ARMC9: variants seen among roughly 807,000 people sequenced by gnomAD.
The protein encoded by ARMC9 is armadillo repeat containing 9.
ARMC9 carries 94 observed loss-of-function variants against 107.0 expected under a neutral mutation model. That is an observed-to-expected ratio of 0.88 (90% CI 0.74 to 1.04). ARMC9 has a LOEUF of 1.04. Ranked by LOEUF, ARMC9 falls within the 50% of genes least tolerant of loss-of-function variation. ARMC9 has a pLI of 0.00. For missense variants in ARMC9, 942 were observed against 1,030.1 expected (o/e 0.91, Z 1.17); for synonymous variants, 380 against 396.9 (o/e 0.96, Z 0.51).
chr2:231,269,268 G>A (rs1257324764), intron 12 of ARMC9, among the ~76,000 whole-genome samples: 2 of 151,872 alleles, frequency 1.3e-5, no homozygotes, highest in Admixed American at 1.3e-4. Flanking sequence ...TTATTTTGTT[G>A]ATGGTTTCTT....
In ARMC9 at chr2:231,376,797, C is replaced by T. The variant is rs906701956; in HGVS notation, c.*5262C>T. ...GGTTTTTGTGGCTTGTGGGGCATCA[C>T]GGATCCTACCAACGTGTGATGTCTC... On this transcript the variant is annotated 3_prime_UTR_variant, in exon 25 of 25. Coordinates refer to ENST00000611582, the MANE Select transcript of ARMC9 (RefSeq NM_001352754.2). Among the ~76,000 whole-genome samples, 3 of 152,106 alleles carry T rather than the reference C, an allele frequency of 2.0e-5. No homozygotes were observed. The highest frequency in any genetic ancestry group is 2.9e-5 in the Non-Finnish European group (2 of 68,024).
chr2:231,216,631 C>T lies in ARMC9; in HGVS notation c.349-7C>T. On this transcript the variant is annotated splice_polypyrimidine_tract_variant and splice_region_variant and intron_variant, in intron 4 of 24. Transcript: ENST00000611582. ...AGACCTCAAACAAGTGTTTTCCCTT[C>T]TTCTAGGACAAAGAGGAGCTGGATG... 6.2e-7 allele frequency: 1 copy of T among 1,612,448 alleles called. No individual in the cohort carries two copies. The highest frequency in any genetic ancestry group is 1.1e-5 in the South Asian group (1 of 90,806).
intron 12 of ARMC9, among the ~76,000 whole-genome samples, 198 bp downstream of exon 12, chr2:231,262,596 T>C (rs1317867892): frequency 2.0e-5 from 3 of 152,206 alleles, no homozygotes; most frequent in African/African-American, 7.2e-5. Context: ...AACTGCCTGA[T>C]TCATCATCTC....
At chr2:231,290,160 T>C (rs1449542688) in intron 17 of ARMC9, among the ~76,000 whole-genome samples, 1 of 152,272 alleles carries the variant, frequency 6.6e-6, no homozygotes, top group East Asian at 1.9e-4. Flanking sequence ...ATTGTTATCC[T>C]CATGTTTATA....
intron 21 of ARMC9, among the ~76,000 whole-genome samples, chr2:231,347,788 AG>A (rs1399572332): frequency 1.3e-5 from 2 of 152,212 alleles, no homozygotes; most frequent in African/African-American, 4.8e-5. Context: ...TTTATTGCAA[AG>A]GTTCTTAGCA....
intron 23 of ARMC9, among the ~76,000 whole-genome samples, chr2:231,363,740 C>G (rs2125595950): frequency 6.6e-6 from 1 of 152,138 alleles, no homozygotes; most frequent in Non-Finnish European, 1.5e-5. Context: ...CAAAAATTAG[C>G]TGGGCGTGGT....
At chr2:231,254,652 A>G (rs556230979) in intron 9 of ARMC9, among the ~76,000 whole-genome samples, 1 of 151,144 alleles carries the variant, frequency 6.6e-6, no homozygotes, top group East Asian at 1.9e-4. Flanking sequence ...GACCCTATCT[A>G]TAAAAAAAAA....
intron 21 of ARMC9, among the ~76,000 whole-genome samples, chr2:231,351,867 C>A: frequency 6.6e-6 from 1 of 152,148 alleles, no homozygotes; most frequent in African/African-American, 2.4e-5. Flanking sequence ...ACCACCAGCA[C>A]CCTCTGGTAT....
At chr2:231,268,841 C>T (rs1159073546) in intron 12 of ARMC9, among the ~76,000 whole-genome samples, 1 of 152,086 alleles carries the variant, frequency 6.6e-6, no homozygotes, top group Non-Finnish European at 1.5e-5. Context: ...GCAGGAGGAT[C>T]GCTTGAGCCC....
rs116021153 is a variant in ARMC9, at chr2:231,231,677, C to T, written c.623-3547C>T. 3.2e-3 allele frequency among the ~76,000 whole-genome samples: 481 copies of T among 149,288 alleles called. 3 individuals are homozygous for T. Among genetic ancestry groups the T allele is most frequent in the African/African-American group, 0.011 (459 of 40,302 alleles). On this transcript the variant is annotated intron_variant, in intron 7 of 24. Transcript: ENST00000611582. The stretch of plus-strand genomic sequence containing the variant: ...GGGATTATAGATGTGAGCCACCATG[C>T]CCCACCTGAAAAAAAAATTTTTTTT...
intron 3 of ARMC9, among the ~76,000 whole-genome samples, chr2:231,212,819 C>T (rs2033055397): frequency 6.6e-6 from 1 of 152,256 alleles, no homozygotes; most frequent in African/African-American, 2.4e-5. Context: ...TGTCCCTCGC[C>T]TGTGTCCGGG....
chr2:231,313,837 C>G (rs1575049218), intron 19 of ARMC9, among the ~76,000 whole-genome samples: 1 of 152,022 alleles, frequency 6.6e-6, no homozygotes, highest in African/African-American at 2.4e-5. Context: ...TCACTGCAAC[C>G]TCCACCTCCT....
chr2:231,298,536 G>A (rs1041909999), intron 19 of ARMC9, among the ~76,000 whole-genome samples: 7 of 152,216 alleles, frequency 4.6e-5, no homozygotes, highest in African/African-American at 1.7e-4. Context: ...AGGTGTTGGA[G>A]TCATACCTTA....
chr2:231,229,317 G>A (rs2034986027), intron 7 of ARMC9, among the ~76,000 whole-genome samples: 1 of 152,200 alleles, frequency 6.6e-6, no homozygotes, highest in Non-Finnish European at 1.5e-5. Flanking sequence ...CTCAGGCATT[G>A]TTTTAAGTGA....
At chr2:231,356,013 C>A in intron 22 of ARMC9, 79 bp downstream of exon 22, 2 of 1,460,896 alleles carry the variant, frequency 1.4e-6, no homozygotes, top group Non-Finnish European at 1.8e-6. Flanking sequence ...GCAGGAGTGG[C>A]AGACGCACGT....
chr2:231,365,717 C>T (rs918916852), intron 23 of ARMC9, among the ~76,000 whole-genome samples: 6 of 152,164 alleles, frequency 3.9e-5, no homozygotes, highest in African/African-American at 1.2e-4. Flanking sequence ...AGGACCCAGC[C>T]GCACACACAG....
In ARMC9 at chr2:231,202,391, C is replaced by T. The variant is rs915244701; in HGVS notation, c.-42+3693C>T. ...AGGCTGGAGTGCCATGGCGTGATCC[C>T]GGCTCACTACAGCCTTGACCTTCCT... On this transcript the variant is annotated intron_variant, in intron 1 of 24. Transcript: ENST00000611582. Among the ~76,000 whole-genome samples the T allele has an allele frequency of 3.3e-5, 5 of 150,718 alleles. No individual in the cohort carries two copies. In the South Asian group the frequency reaches 6.3e-4, roughly 19 times the overall value.
At chr2:231,256,377 T>G (rs1344417488) in intron 9 of ARMC9, 1 of 1,334,918 alleles carries the variant, frequency 7.5e-7, no homozygotes, top group African/African-American at 1.5e-5. Context: ...TGTCACAGTC[T>G]GCTCCTTTTT....
chr2:231,376,355 T>C lies in ARMC9; in HGVS notation c.*4820T>C, dbSNP rs1049464041. ...TGGGAGAAATATCGCTGAATTCTTT[T>C]TCTCAGCATGGAACATCCCCTGAGA... is the stretch of plus-strand genomic sequence containing the variant. On this transcript the variant is annotated 3_prime_UTR_variant, in exon 25 of 25. Transcript: ENST00000611582. 4.6e-5 allele frequency among the ~76,000 whole-genome samples: 7 copies of C among 152,182 alleles called. No individual in the cohort carries two copies. Among genetic ancestry groups the C allele is most frequent in the Non-Finnish European group, 1.0e-4 (7 of 68,034 alleles).
Sources: allele counts gnomAD v4.1 joint callset (sites outside exome capture counted in the v4.1 genomes callset), GRCh38; gene constraint gnomAD v4.1.1; transcripts MANE v1.5; gene names NCBI Gene and HGNC (gene_info 2026-07-23, HGNC 2026-07-21).